Variants in JMJD1C observed in about 807,000 individuals in gnomAD.
The protein encoded by JMJD1C is jumonji domain containing 1C.
In JMJD1C, 31 loss-of-function variants were observed where a neutral mutation model predicts 245.3. That is an observed-to-expected ratio of 0.13 (90% confidence interval 0.09 to 0.17). JMJD1C has a LOEUF of 0.17. Among genes scored for constraint, JMJD1C ranks in the 10% least tolerant of loss-of-function variants. The probability of loss-of-function intolerance (pLI) is 1.00; values close to 1 mark genes in which losing one functional copy is unlikely to be tolerated. For missense variants in JMJD1C, 2,691 were observed against 3,000.2 expected, an observed-to-expected ratio of 0.90 and a Z score of 2.41; for synonymous variants, 1,057 against 1,017.4, an observed-to-expected ratio of 1.04 and a Z score of -0.74.
At chr10:63,428,788 T>G (rs1950585461) in intron 1 of JMJD1C, among the ~76,000 whole-genome samples, 1 of 152,202 alleles carries the variant, frequency 6.6e-6, no homozygotes, top group Admixed American at 6.5e-5. Flanking sequence ...ATCCTTGACT[T>G]TTATCTAAGT....
chr10:63,430,166 T>A (rs1950663177), intron 1 of JMJD1C, among the ~76,000 whole-genome samples: 1 of 152,186 alleles, frequency 6.6e-6, no homozygotes, highest in South Asian at 2.1e-4. Flanking sequence ...GTTGGGAAAT[T>A]ACTTCACACC....
At chr10:63,215,511 G>C in intron 6 of JMJD1C, 42 bp downstream of exon 6, 8 of 1,607,664 alleles carry the variant, frequency 5.0e-6, no homozygotes, top group Non-Finnish European at 6.8e-6. Context: ...CTAGCCTAAG[G>C]AAAAATATTT....
chr10:63,292,144 A>AATTTTTTTTTTTTTTTTTTT, intron 2 of JMJD1C, among the ~76,000 whole-genome samples: 1 of 56,350 alleles, frequency 1.8e-5, no homozygotes, highest in African/African-American at 7.4e-5. Flanking sequence ...GTAGAGACAG[A>AATTTTTTTTTTTTTTTTTTT]TTTTTTTTTT....
intron 18 of JMJD1C, 118 bp downstream of exon 18, chr10:63,189,050 C>A: frequency 2.5e-6 from 2 of 791,470 alleles, no homozygotes; most frequent in East Asian, 2.7e-5. Flanking sequence ...CTTATTGTCC[C>A]CCAAATGTGT....
At chr10:63,220,333 CA>C (rs1848453825) in intron 3 of JMJD1C, among the ~76,000 whole-genome samples, 1 of 152,106 alleles carries the variant, frequency 6.6e-6, no homozygotes, top group Non-Finnish European at 1.5e-5. Context: ...AAGGTGTTGG[CA>C]AAAGAACTGA....
intron 10 of JMJD1C, among the ~76,000 whole-genome samples, chr10:63,201,467 T>C (rs371607274): frequency 3.9e-5 from 6 of 152,268 alleles, no homozygotes; most frequent in African/African-American, 1.4e-4. Context: ...AATCAACTTA[T>C]TTACATACTC....
At chr10:63,175,193 A>T (rs899617966) in intron 24 of JMJD1C, among the ~76,000 whole-genome samples, 1 of 152,206 alleles carries the variant, frequency 6.6e-6, no homozygotes, top group African/African-American at 2.4e-5. Flanking sequence ...ACATTTGAAT[A>T]CAGATTAGCT....
At chr10:63,303,277 C>T (rs1860314200) in intron 2 of JMJD1C, among the ~76,000 whole-genome samples, 1 of 152,120 alleles carries the variant, frequency 6.6e-6, no homozygotes, top group Non-Finnish European at 1.5e-5. Flanking sequence ...TTCTAACTTA[C>T]TGAAAAAGAC....
chr10:63,492,885 G>A (rs978899198), intron 1 of JMJD1C, among the ~76,000 whole-genome samples: 2 of 152,104 alleles, frequency 1.3e-5, no homozygotes, highest in African/African-American at 2.4e-5. Context: ...AGTTTTGTCT[G>A]AATAACCCCA....
chr10:63,214,567 G>A lies in JMJD1C; in HGVS notation c.1600C>T (p.Leu534Phe). 6.2e-7 allele frequency: 1 copy of A among 1,613,934 alleles called. No homozygotes were observed. The highest frequency in any genetic ancestry group is 1.1e-5 in the South Asian group (1 of 91,062). ...ENSSTFGLQT[L>F]QKMDPNVSDS... is the part of the protein sequence containing the mutation. ...CTAACATTAGGATCCATTTTCTGAA[G>A]TGTCTGAAGGCCAAAGGTACTTGAG... Residue 534 changes from leucine to phenylalanine, a missense_variant, in exon 8 of 26, where the codon CTT becomes TTT. By Grantham distance (22) the Leu-to-Phe change is conservative. This residue lies in a region of JMJD1C where 1,562 missense variants were observed against 1,490.7 expected (regional missense o/e 1.05). Coordinates refer to ENST00000399262, the MANE Select transcript of JMJD1C (RefSeq NM_032776.3).
intron 2 of JMJD1C, among the ~76,000 whole-genome samples, chr10:63,355,020 G>C (rs1373610436): frequency 6.6e-6 from 1 of 151,870 alleles, no homozygotes; most frequent in East Asian, 1.9e-4. Flanking sequence ...GACATCCTGT[G>C]TCAGGAAAAG....
chr10:63,390,264 A>G (rs1947948246), intron 1 of JMJD1C, among the ~76,000 whole-genome samples: 1 of 152,214 alleles, frequency 6.6e-6, no homozygotes, highest in South Asian at 2.1e-4. Flanking sequence ...ATACAAAAAC[A>G]AACTGGAAAA....
intron 22 of JMJD1C, among the ~76,000 whole-genome samples, chr10:63,180,092 C>T (rs974266798): frequency 6.6e-5 from 10 of 152,210 alleles, no homozygotes; most frequent in Admixed American, 6.5e-4. Flanking sequence ...ACTGCAACCT[C>T]TGCCTCCCAG....
chr10:63,516,853 T>C (rs992082720), intron 1 of JMJD1C, among the ~76,000 whole-genome samples: 2 of 152,222 alleles, frequency 1.3e-5, no homozygotes, highest in Admixed American at 1.3e-4. Context: ...TATCTGATCA[T>C]TGTATTTTCA....
chr10:63,303,129 A>G (rs2134000138), intron 2 of JMJD1C, among the ~76,000 whole-genome samples: 1 of 152,320 alleles, frequency 6.6e-6, no homozygotes, highest in African/African-American at 2.4e-5. Flanking sequence ...GCATGTTTTA[A>G]TAAAGTTTAT....
In JMJD1C at chr10:63,208,234, C is replaced by T. The variant is rs747404865; in HGVS notation, c.3435G>A (p.Lys1145=). Residue 1145 remains lysine (K), a synonymous_variant, in exon 10 of 26, where the codon AAG becomes AAA. Transcript: ENST00000399262. ...TLTSFITSLS[K]PPPLIKHQPE... ...GTTGGTGTTTAATCAAAGGTGGAGG[C>T]TTTGAAAGAGATGTTATAAATGAAG... 5.0e-6 allele frequency: 8 copies of T among 1,613,814 alleles called. No individual in the cohort carries two copies. Among genetic ancestry groups the T allele is most frequent in the African/African-American group, 1.3e-5 (1 of 74,890 alleles).
At chr10:63,410,968 T>C (rs757871253) in intron 1 of JMJD1C, among the ~76,000 whole-genome samples, 2 of 152,230 alleles carry the variant, frequency 1.3e-5, no homozygotes, top group African/African-American at 2.4e-5. Context: ...TCAGTCTATG[T>C]CCCATTTAAT....
intron 1 of JMJD1C, among the ~76,000 whole-genome samples, chr10:63,464,165 T>C (rs1030288004): frequency 5.3e-5 from 8 of 152,146 alleles, no homozygotes; most frequent in Non-Finnish European, 1.2e-4. Flanking sequence ...TTAAGGAAGA[T>C]TATACATTTC....
intron 24 of JMJD1C, among the ~76,000 whole-genome samples, chr10:63,175,956 C>T (rs969866258): frequency 6.6e-6 from 1 of 152,094 alleles, no homozygotes; most frequent in Non-Finnish European, 1.5e-5. Flanking sequence ...ATGCTTAAAG[C>T]CTGATAAAAA....
Sources: allele counts gnomAD v4.1 joint callset (sites outside exome capture counted in the v4.1 genomes callset), GRCh38; gene constraint gnomAD v4.1.1; regional missense constraint gnomAD v4.1.1; transcripts MANE v1.5; gene names NCBI Gene and HGNC (gene_info 2026-07-23, HGNC 2026-07-21).